Variants in CNTN4 observed in about 807,000 individuals in gnomAD.
CNTN4 encodes the protein contactin 4.
Under a neutral mutation model 122.5 loss-of-function variants are expected in CNTN4, and 77 were observed. That is an observed-to-expected ratio of 0.63 (90% confidence interval 0.52 to 0.76). CNTN4 has a LOEUF of 0.76. CNTN4 is among the 30% of genes least tolerant of loss of function. The pLI is 0.00. For missense variants in CNTN4, 1,256 were observed against 1,259.1 expected (o/e 1.00, Z 0.04); for synonymous variants, 512 against 447.0 (o/e 1.15, Z -1.83).
chr3:2,374,795 A>G (rs780639264), intron 3 of CNTN4, among the ~76,000 whole-genome samples: 14 of 152,220 alleles, frequency 9.2e-5, no homozygotes, highest in Non-Finnish European at 1.8e-4. Context: ...GAATGTTTAA[A>G]TTTTCATTTA....
chr3:2,141,873 C>A (rs2035013779), intron 2 of CNTN4, among the ~76,000 whole-genome samples: 1 of 152,102 alleles, frequency 6.6e-6, no homozygotes, highest in Non-Finnish European at 1.5e-5. Flanking sequence ...CAGTTGCATC[C>A]ATTTTATGAA....
rs2093357043 is a variant in CNTN4, at chr3:2,841,257, A to G, written c.454+21676A>G. ...ATTTTAACTTTTAACCCAGTTTTTC[A>G]GATGTGTTAATATATAGTGCAAAGT... is the stretch of plus-strand genomic sequence containing the variant. On this transcript the variant is annotated intron_variant, in intron 7 of 24. Transcript: ENST00000418658. This position sits in a 1 kb window ranked among gnomAD's most constrained non-coding sequence, Gnocchi z 4.8. Among the ~76,000 whole-genome samples, 2 of 152,204 alleles carry G rather than the reference A, an allele frequency of 1.3e-5. No homozygotes were observed. The highest frequency in any genetic ancestry group is 2.9e-5 in the Non-Finnish European group (2 of 68,036).
chr3:2,688,241 C>G (rs948459014), intron 4 of CNTN4, among the ~76,000 whole-genome samples: 2 of 152,108 alleles, frequency 1.3e-5, no homozygotes, highest in Non-Finnish European at 2.9e-5. Flanking sequence ...AGAGAAATAG[C>G]TATTTTTTCA....
At chr3:2,793,075 T>C (rs895561148) in intron 6 of CNTN4, among the ~76,000 whole-genome samples, 1 of 152,258 alleles carries the variant, frequency 6.6e-6, no homozygotes, top group African/African-American at 2.4e-5. Flanking sequence ...TTCCACATGA[T>C]AGGCAATGAA....
chr3:2,328,435 T>C (rs376221423), intron 2 of CNTN4, among the ~76,000 whole-genome samples: 2 of 152,316 alleles, frequency 1.3e-5, no homozygotes, highest in African/African-American at 4.8e-5. Flanking sequence ...AACACAGTTT[T>C]CCCCAGGTCT....
chr3:2,749,695 TA>T (rs2089993948), intron 6 of CNTN4, among the ~76,000 whole-genome samples: 1 of 152,336 alleles, frequency 6.6e-6, no homozygotes, highest in African/African-American at 2.4e-5. Flanking sequence ...GATGTATTTT[TA>T]TATACCCAAA....
At chr3:2,329,624 CA>C (rs1261412144) in intron 2 of CNTN4, among the ~76,000 whole-genome samples, 1 of 152,104 alleles carries the variant, frequency 6.6e-6, no homozygotes, top group East Asian at 1.9e-4. Flanking sequence ...CAGTGCAGTA[CA>C]AAAAACTCAA....
chr3:2,981,588 T>A (rs1694025018), intron 13 of CNTN4, among the ~76,000 whole-genome samples: 1 of 152,038 alleles, frequency 6.6e-6, no homozygotes. Flanking sequence ...GTAATATTAG[T>A]GGAAAAACCG....
intron 2 of CNTN4, among the ~76,000 whole-genome samples, chr3:2,170,276 C>T (rs560293287): frequency 4.0e-5 from 6 of 151,740 alleles, no homozygotes; most frequent in Non-Finnish European, 5.9e-5. Context: ...GCCGAGATCG[C>T]GCCACCGCAC....
intron 3 of CNTN4, among the ~76,000 whole-genome samples, chr3:2,513,448 A>T (rs1312727391): frequency 6.6e-6 from 1 of 152,018 alleles, no homozygotes; most frequent in Admixed American, 6.6e-5. Context: ...ACAAATGCTT[A>T]ATTTGTATCT....
intron 4 of CNTN4, among the ~76,000 whole-genome samples, chr3:2,597,585 G>A (rs145996097): frequency 1.3e-5 from 2 of 152,264 alleles, no homozygotes; most frequent in African/African-American, 4.8e-5. Flanking sequence ...GAAAGGTGCA[G>A]AATTGAGAAT....
At chr3:2,460,118 AG>A (rs1405415093) in intron 3 of CNTN4, among the ~76,000 whole-genome samples, 2 of 151,924 alleles carry the variant, frequency 1.3e-5, no homozygotes, top group African/African-American at 4.8e-5. Flanking sequence ...GTAGAGTTAA[AG>A]GTCTTTCACT....
intron 8 of CNTN4, among the ~76,000 whole-genome samples, chr3:2,871,648 A>G (rs1221340234): frequency 6.6e-6 from 1 of 152,196 alleles, no homozygotes; most frequent in African/African-American, 2.4e-5. Flanking sequence ...GGAACTGAAG[A>G]TCAGAGAATT....
chr3:2,354,729 T>A (rs1297732186), intron 3 of CNTN4, among the ~76,000 whole-genome samples: 1 of 151,848 alleles, frequency 6.6e-6, no homozygotes, highest in Non-Finnish European at 1.5e-5. Flanking sequence ...AAAAAAAAAA[T>A]CACACTTGGC....
At chr3:2,570,364 T>TG (rs1230637654) in intron 3 of CNTN4, among the ~76,000 whole-genome samples, 5 of 151,646 alleles carry the variant, frequency 3.3e-5, no homozygotes, top group Non-Finnish European at 5.9e-5. Flanking sequence ...TCCGTAAAGG[T>TG]GGGGGTCTCG....
chr3:2,790,211 C>T (rs550865928), intron 6 of CNTN4, among the ~76,000 whole-genome samples: 1 of 152,316 alleles, frequency 6.6e-6, no homozygotes, highest in East Asian at 1.9e-4. Context: ...GTTAGATTTT[C>T]ATCTTCTGAG....
At chr3:3,005,715 TTA>T (rs1696544526) in intron 14 of CNTN4, among the ~76,000 whole-genome samples, 1 of 133,802 alleles carries the variant, frequency 7.5e-6, no homozygotes. Flanking sequence ...TTTCCTCTTC[TTA>T]TAAGGGCACT....
At chr3:2,508,339 T>G (rs1034324050) in intron 3 of CNTN4, among the ~76,000 whole-genome samples, 1 of 152,214 alleles carries the variant, frequency 6.6e-6, no homozygotes, top group Admixed American at 6.5e-5. Flanking sequence ...GACTCTGACT[T>G]TTAGTGAGAG....
intron 6 of CNTN4, among the ~76,000 whole-genome samples, chr3:2,771,809 T>G (rs141284149): frequency 1.3e-4 from 20 of 152,152 alleles, no homozygotes; most frequent in African/African-American, 4.8e-4. Context: ...CAGTATGTAA[T>G]GAAAACATGG....
Sources: gnomAD v4.1 joint callset for allele counts (sites outside exome capture counted in the v4.1 genomes callset) on GRCh38, gnomAD v4.1.1 for gene constraint, Gnocchi (gnomAD v3.1) non-coding constraint, MANE v1.5 for transcripts, NCBI Gene and HGNC (gene_info 2026-07-23, HGNC 2026-07-21) for gene names.